Variants in DLG1 observed in about 807,000 individuals in gnomAD.
DLG1 encodes the protein disks large homolog 1.
In DLG1, 42 loss-of-function variants were observed where a neutral mutation model predicts 123.4. The observed-to-expected ratio is 0.34, with a 90% CI of 0.27 to 0.44. The LOEUF (loss-of-function observed/expected upper bound fraction) is 0.44. Ranked by LOEUF, DLG1 falls within the 20% of genes least tolerant of loss-of-function variation. The probability of loss-of-function intolerance (pLI) is 1.00; values close to 1 mark genes in which losing one functional copy is unlikely to be tolerated. For synonymous variants in DLG1, 317 were observed against 356.2 expected, an observed-to-expected ratio of 0.89 and a Z score of 1.24; for missense variants, 942 against 1,082.6, an observed-to-expected ratio of 0.87 and a Z score of 1.82.
At chr3:197,172,766 G>A (rs975701746) in intron 5 of DLG1, among the ~76,000 whole-genome samples, 1 of 152,180 alleles carries the variant, frequency 6.6e-6, no homozygotes, top group Admixed American at 6.5e-5. Flanking sequence ...CCTTAGAACA[G>A]AAGTTTCAAA....
At chr3:197,072,171 C>A (rs929827005) in intron 18 of DLG1, among the ~76,000 whole-genome samples, 1 of 152,158 alleles carries the variant, frequency 6.6e-6, no homozygotes, top group Non-Finnish European at 1.5e-5. Context: ...CACTTCCCAA[C>A]TGTAAGACAT....
intron 21 of DLG1, 91 bp downstream of exon 21, chr3:197,065,617 C>G (rs1738976909): frequency 9.5e-7 from 1 of 1,055,334 alleles, no homozygotes; most frequent in Non-Finnish European, 1.4e-6. Context: ...TAAGTACAAA[C>G]CATTAAAAAA....
At chr3:197,297,739 G>C in intron 1 of DLG1, 3 of 986,334 alleles carry the variant, frequency 3.0e-6, no homozygotes, top group Non-Finnish European at 3.6e-6. Context: ...GCCGCTCTCC[G>C]CGACGCCCTC....
At chr3:197,233,688 T>G (rs1232160556) in intron 4 of DLG1, among the ~76,000 whole-genome samples, 2 of 151,998 alleles carry the variant, frequency 1.3e-5, no homozygotes, top group East Asian at 3.9e-4. Flanking sequence ...CCTGGCTAAT[T>G]TTTGTATTTT....
At chr3:197,196,072 C>T (rs1173431877) in intron 4 of DLG1, among the ~76,000 whole-genome samples, 2 of 148,218 alleles carry the variant, frequency 1.3e-5, no homozygotes, top group Admixed American at 1.4e-4. Flanking sequence ...CTCCTTGATC[C>T]AGTAATCCCA....
At chr3:197,050,373 A>AC (rs1047702265) in intron 24 of DLG1, among the ~76,000 whole-genome samples, 37 of 152,078 alleles carry the variant, frequency 2.4e-4, no homozygotes, top group East Asian at 9.7e-4. Context: ...TTTCAAAAAA[A>AC]AACAACAACA....
chr3:197,205,467 T>C (rs1477184800), intron 4 of DLG1, among the ~76,000 whole-genome samples: 1 of 152,066 alleles, frequency 6.6e-6, no homozygotes, highest in Non-Finnish European at 1.5e-5. Context: ...TCCAAAAATG[T>C]CAGAATAGGT....
intron 5 of DLG1, among the ~76,000 whole-genome samples, chr3:197,152,463 C>T (rs888227944): frequency 7.6e-6 from 1 of 132,322 alleles, no homozygotes; most frequent in African/African-American, 3.0e-5. Flanking sequence ...TGCTCTGTCA[C>T]CCAGGGTAGG....
At chr3:197,059,270 A>G (rs1475387588) in intron 23 of DLG1, among the ~76,000 whole-genome samples, 2 of 152,190 alleles carry the variant, frequency 1.3e-5, no homozygotes, top group East Asian at 3.8e-4. Flanking sequence ...GCCTTAAAGT[A>G]TATTCGTCAG....
chr3:197,157,982 T>C (rs905851403), intron 5 of DLG1, among the ~76,000 whole-genome samples: 1 of 152,174 alleles, frequency 6.6e-6, no homozygotes. Flanking sequence ...GACACTGGAA[T>C]TGTCAATGAT....
At position 197,085,568 on chromosome 3, in the gene DLG1, A is replaced by G. The variant is rs771417020; in HGVS notation, c.1838+12T>C. ...TGTTGCCTCACATTCAAGTGGTAAGAAACAGGCATACCTGCGTTTACTGGG... is the reference window on the plus strand; with the variant it reads ...TGTTGCCTCACATTCAAGTGGTAAGGAACAGGCATACCTGCGTTTACTGGG... On this transcript the variant is annotated intron_variant, in intron 16 of 24. Transcript: ENST00000667157. 5.0e-6 allele frequency: 8 copies of G among 1,613,558 alleles called. No homozygotes were observed. The highest frequency in any genetic ancestry group is 5.9e-6 in the Non-Finnish European group (7 of 1,179,780).
intron 22 of DLG1, among the ~76,000 whole-genome samples, chr3:197,063,033 A>C (rs1736912602): frequency 6.6e-6 from 1 of 152,006 alleles, no homozygotes; most frequent in East Asian, 1.9e-4. Context: ...CATACACTCC[A>C]CCCAACAAAC....
chr3:197,250,413 CA>C (rs1284303059), intron 4 of DLG1, among the ~76,000 whole-genome samples: 1 of 151,516 alleles, frequency 6.6e-6, no homozygotes, highest in African/African-American at 2.4e-5. Context: ...ACTAAAAATA[CA>C]AAAAATTAGC....
chr3:197,102,213 G>C (rs1488017431), intron 14 of DLG1, among the ~76,000 whole-genome samples: 1 of 152,114 alleles, frequency 6.6e-6, no homozygotes, highest in South Asian at 2.1e-4. Flanking sequence ...CAGAATCCAA[G>C]TCAAGAAAGT....
chr3:197,108,115 G>GTT (rs1184599168), intron 13 of DLG1, among the ~76,000 whole-genome samples: 2 of 152,070 alleles, frequency 1.3e-5, no homozygotes, highest in Non-Finnish European at 2.9e-5. Context: ...ACTTTGATTG[G>GTT]TTTTTCTATG....
intron 4 of DLG1, chr3:197,260,483 G>C (rs1758850141): frequency 1.0e-5 from 2 of 197,260 alleles, no homozygotes; most frequent in African/African-American, 4.7e-5. Context: ...CAAGAAACCA[G>C]AGTCTGTCAC....
At chr3:197,274,633 A>G (rs1765544541) in intron 4 of DLG1, among the ~76,000 whole-genome samples, 1 of 152,244 alleles carries the variant, frequency 6.6e-6, no homozygotes. Flanking sequence ...ATGAGATAAC[A>G]TCGAGCTAAA....
intron 13 of DLG1, among the ~76,000 whole-genome samples, chr3:197,107,345 C>A (rs1255233874): frequency 1.3e-5 from 2 of 152,084 alleles, no homozygotes; most frequent in African/African-American, 4.8e-5. Flanking sequence ...GAGATCGAGA[C>A]CTTCCTGGGT....
chr3:197,239,828 G>A (rs1001928352), intron 4 of DLG1, among the ~76,000 whole-genome samples: 1 of 124,396 alleles, frequency 8.0e-6, no homozygotes, highest in African/African-American at 3.2e-5. Flanking sequence ...GACAGTTCAG[G>A]GGCCACAGAA....
Sources: gnomAD v4.1 joint callset for allele counts (sites outside exome capture counted in the v4.1 genomes callset) on GRCh38, gnomAD v4.1.1 for gene constraint, MANE v1.5 for transcripts, NCBI Gene and HGNC (gene_info 2026-07-23, HGNC 2026-07-21) for gene names.